TRHDE: variants seen among roughly 807,000 people sequenced by gnomAD.
The protein encoded by TRHDE is thyrotropin-releasing hormone-degrading ectoenzyme.
In TRHDE, 72 loss-of-function variants were observed where a neutral mutation model predicts 125.7. That is an observed-to-expected ratio of 0.57 (90% CI 0.47 to 0.70). The LOEUF (loss-of-function observed/expected upper bound fraction) is 0.70. Among genes scored for constraint, TRHDE ranks in the 30% least tolerant of loss-of-function variants. The pLI is 0.00. For synonymous variants in TRHDE, 509 were observed against 509.1 expected (o/e 1.00, Z 0.00); for missense variants, 1,110 against 1,327.1 (o/e 0.84, Z 2.54).
chr12:72,637,402 T>C (rs1873810306), intron 15 of TRHDE, among the ~76,000 whole-genome samples: 1 of 152,200 alleles, frequency 6.6e-6, no homozygotes, highest in African/African-American at 2.4e-5. Flanking sequence ...CTTTTTTTCT[T>C]TATTAGTCTT....
chr12:72,157,651 T>G (rs1425317326), intron 2 of TRHDE, among the ~76,000 whole-genome samples: 1 of 152,162 alleles, frequency 6.6e-6, no homozygotes, highest in Non-Finnish European at 1.5e-5. Flanking sequence ...GTTTTAGAGT[T>G]GGGGAAGACC....
At chr12:72,208,042 C>A (rs943550679) in intron 2 of TRHDE, among the ~76,000 whole-genome samples, 2 of 152,116 alleles carry the variant, frequency 1.3e-5, no homozygotes, top group African/African-American at 4.8e-5. Flanking sequence ...CATAACTGTC[C>A]CACATTTTAG....
intron 2 of TRHDE, among the ~76,000 whole-genome samples, chr12:72,153,016 C>T (rs979151808): frequency 2.0e-5 from 3 of 152,124 alleles, no homozygotes; most frequent in Non-Finnish European, 2.9e-5. Context: ...GCTGTGAATC[C>T]ATTTGGTCCT....
At chr12:72,304,759 C>T (rs1315514449) in intron 2 of TRHDE, among the ~76,000 whole-genome samples, 1 of 152,122 alleles carries the variant, frequency 6.6e-6, no homozygotes, top group Non-Finnish European at 1.5e-5. Context: ...CCCACTATCA[C>T]CATGCCAGAT....
At chr12:72,477,764 A>G (rs1876967580) in intron 5 of TRHDE, among the ~76,000 whole-genome samples, 1 of 152,194 alleles carries the variant, frequency 6.6e-6, no homozygotes, top group Non-Finnish European at 1.5e-5. Flanking sequence ...AAATACTGCA[A>G]TGGAGAACTC....
At chr12:72,384,531 G>T (rs1330299965) in intron 3 of TRHDE, among the ~76,000 whole-genome samples, 1 of 152,066 alleles carries the variant, frequency 6.6e-6, no homozygotes, top group East Asian at 1.9e-4. Context: ...CACATAAAGA[G>T]AAGTCTTATT....
intron 15 of TRHDE, among the ~76,000 whole-genome samples, chr12:72,627,162 A>G (rs2136083438): frequency 6.6e-6 from 1 of 152,018 alleles, no homozygotes; most frequent in African/African-American, 2.4e-5. Flanking sequence ...GGCTTTAGAC[A>G]AGTCAGTTAA....
At chr12:72,197,738 C>A (rs1356229144) in intron 2 of TRHDE, among the ~76,000 whole-genome samples, 2 of 152,102 alleles carry the variant, frequency 1.3e-5, no homozygotes, top group Non-Finnish European at 2.9e-5. Context: ...TCCAGGAACA[C>A]CATTTCCTCC....
intron 2 of TRHDE, among the ~76,000 whole-genome samples, chr12:72,356,655 G>A (rs1870836750): frequency 6.6e-6 from 1 of 151,532 alleles, no homozygotes; most frequent in African/African-American, 2.4e-5. Flanking sequence ...GAAGTCATTT[G>A]ACTAGGATTG....
At position 72,275,698 on chromosome 12, in the gene TRHDE, G is replaced by T. The variant is rs185669031; in HGVS notation, c.914+2141G>T. Among the ~76,000 whole-genome samples, 319 of 152,186 alleles carry T rather than the reference G, an allele frequency of 2.1e-3. 1 individual carries two copies. Among genetic ancestry groups the T allele is most frequent in the Middle Eastern group, 0.01 (3 of 294 alleles). On this transcript the variant is annotated intron_variant, in intron 1 of 18. Coordinates refer to ENST00000261180, the MANE Select transcript of TRHDE (RefSeq NM_013381.3). ...TGTTTGGCAGAACTGAGCTTGTTTT[G>T]GTCAATGCTTTCAAATTAACAGGAC... is the stretch of plus-strand genomic sequence containing the variant.
intron 6 of TRHDE, among the ~76,000 whole-genome samples, chr12:72,500,051 G>A (rs780925986): frequency 6.6e-6 from 1 of 152,232 alleles, no homozygotes; most frequent in East Asian, 1.9e-4. Flanking sequence ...ATGACATGAT[G>A]CATGCATCTT....
intron 2 of TRHDE, among the ~76,000 whole-genome samples, chr12:72,205,374 C>A (rs1877644127): frequency 6.8e-6 from 1 of 147,824 alleles, no homozygotes. Flanking sequence ...TGCTAAAAAA[C>A]ATATAACATA....
At chr12:72,280,907 TA>T in intron 1 of TRHDE, among the ~76,000 whole-genome samples, 1 of 152,258 alleles carries the variant, frequency 6.6e-6, no homozygotes, top group South Asian at 2.1e-4. Context: ...CTCTTTCCAA[TA>T]AAAAAACGTG....
intron 2 of TRHDE, among the ~76,000 whole-genome samples, chr12:72,352,545 A>G (rs1870628938): frequency 6.6e-6 from 1 of 151,832 alleles, no homozygotes. Context: ...ACTTTTGAAT[A>G]TCTGTTTAAA....
At chr12:72,169,453 G>C (rs780090109) in intron 2 of TRHDE, among the ~76,000 whole-genome samples, 99 of 152,146 alleles carry the variant, frequency 6.5e-4, no homozygotes, top group Non-Finnish European at 1.3e-3. Flanking sequence ...TCAAGGTGCT[G>C]TCAGAGTTGA....
At chr12:72,188,892 T>G (rs1374401865) in intron 2 of TRHDE, among the ~76,000 whole-genome samples, 1 of 152,208 alleles carries the variant, frequency 6.6e-6, no homozygotes, top group Non-Finnish European at 1.5e-5. Flanking sequence ...CCTACCCAGC[T>G]GCAAGAATCT....
At chr12:72,275,270 G>C (rs1214890691) in intron 1 of TRHDE, among the ~76,000 whole-genome samples, 1 of 152,192 alleles carries the variant, frequency 6.6e-6, no homozygotes, top group African/African-American at 2.4e-5. Flanking sequence ...AATGTGTTGT[G>C]AAAGTAAGCA....
intron 2 of TRHDE, among the ~76,000 whole-genome samples, chr12:72,319,706 C>G (rs544375486): frequency 1.2e-4 from 18 of 152,272 alleles, no homozygotes; most frequent in African/African-American, 4.3e-4. Flanking sequence ...TGGCATTATG[C>G]TGGCAGCTTG....
chr12:72,574,743 T>G (rs1870910062), intron 10 of TRHDE, among the ~76,000 whole-genome samples: 1 of 152,090 alleles, frequency 6.6e-6, no homozygotes, highest in African/African-American at 2.4e-5. Flanking sequence ...TTTACTAGCA[T>G]TATTGATGAT....
Sources: gnomAD v4.1 joint callset for allele counts (sites outside exome capture counted in the v4.1 genomes callset) on GRCh38, gnomAD v4.1.1 for gene constraint, MANE v1.5 for transcripts, NCBI Gene and HGNC (gene_info 2026-07-23, HGNC 2026-07-21) for gene names.